Variants in PAFAH1B1 observed in about 807,000 individuals in gnomAD.
PAFAH1B1 encodes platelet activating factor acetylhydrolase 1b regulatory subunit 1.
Under a neutral mutation model 57.5 loss-of-function variants are expected in PAFAH1B1, and 2 were observed. The ratio of observed to expected loss-of-function variants is 0.03; its 90% CI spans 0.01 to 0.11. The LOEUF is 0.11. Ranked by LOEUF, PAFAH1B1 falls within the 10% of genes least tolerant of loss-of-function variation. The pLI, the probability that PAFAH1B1 is intolerant of heterozygous loss-of-function variation, is 1.00. For missense variants in PAFAH1B1, 257 were observed against 512.0 expected (o/e 0.50, Z 4.81); for synonymous variants, 152 against 169.6 (o/e 0.90, Z 0.81).
intron 1 of PAFAH1B1, among the ~76,000 whole-genome samples, chr17:2,618,171 C>T (rs933740755): frequency 2.0e-5 from 3 of 151,824 alleles, no homozygotes; most frequent in African/African-American, 4.8e-5. Flanking sequence ...TCGCTTGAAC[C>T]TGGGAGATGC....
intron 1 of PAFAH1B1, among the ~76,000 whole-genome samples, chr17:2,599,892 ATAAATT>A (rs1282219543): frequency 2.6e-5 from 4 of 152,130 alleles, no homozygotes; most frequent in Non-Finnish European, 5.9e-5. Context: ...GAACATTTTA[ATAAATT>A]TAATTTTTGA....
chr17:2,665,423 T>C lies in PAFAH1B1; in HGVS notation c.84T>C (p.Tyr28=), dbSNP rs369259961. 3 of 1,607,492 alleles carry C rather than the reference T, an allele frequency of 1.9e-6. No homozygotes were observed. The highest frequency in any genetic ancestry group is 2.2e-5 in the East Asian group (1 of 44,752). ...GTTCAAATGGCTATGAAGAGGCATA[T>C]TCAGTTTTTAAAAAGGAAGCTGAAT... ...YLRSNGYEEA[Y]SVFKKEAELD... is the part of the protein sequence containing the mutation. Residue 28 remains tyrosine, a synonymous_variant, in exon 3 of 11, where the codon TAT becomes TAC. Coordinates refer to ENST00000397195, the MANE Select transcript of PAFAH1B1 (RefSeq NM_000430.4).
At chr17:2,637,315 G>C (rs2068637910) in intron 1 of PAFAH1B1, among the ~76,000 whole-genome samples, 1 of 152,074 alleles carries the variant, frequency 6.6e-6, no homozygotes, top group Admixed American at 6.6e-5. Flanking sequence ...TAGGTACATT[G>C]GTTAAGAGAG....
intron 1 of PAFAH1B1, among the ~76,000 whole-genome samples, chr17:2,636,049 T>C (rs1257006878): frequency 6.6e-6 from 1 of 151,610 alleles, no homozygotes; most frequent in African/African-American, 2.4e-5. Flanking sequence ...GAGGCTGCAA[T>C]GAACCATGAT....
At chr17:2,673,366 G>T (rs368553317) in intron 7 of PAFAH1B1, among the ~76,000 whole-genome samples, 60 of 152,214 alleles carry the variant, frequency 3.9e-4, no homozygotes, top group African/African-American at 1.3e-3. Context: ...TTGGCCGGGC[G>T]CGGTGGCTCA....
intron 2 of PAFAH1B1, among the ~76,000 whole-genome samples, chr17:2,650,217 A>AAAATAGTCTGGCAGCCAGGTGC (rs2068829830): frequency 6.6e-6 from 1 of 152,124 alleles, no homozygotes; most frequent in African/African-American, 2.4e-5. Flanking sequence ...ATTGATTTAA[A>AAAATAGTCTGGCAGCCAGGTGC]AAATAGTCTG....
chr17:2,610,718 C>T (rs1243125955), intron 1 of PAFAH1B1, among the ~76,000 whole-genome samples: 3 of 152,214 alleles, frequency 2.0e-5, no homozygotes, highest in African/African-American at 7.2e-5. Context: ...CCGTGGGTAG[C>T]ACAAGCTTGG....
intron 1 of PAFAH1B1, among the ~76,000 whole-genome samples, chr17:2,634,466 G>C (rs1199209231): frequency 3.9e-5 from 6 of 152,082 alleles, no homozygotes; most frequent in Admixed American, 3.3e-4. Context: ...GAAATCACTT[G>C]ACTCCTTGAC....
chr17:2,658,416 C>T (rs1053395631), intron 2 of PAFAH1B1, among the ~76,000 whole-genome samples: 2 of 152,110 alleles, frequency 1.3e-5, no homozygotes, highest in Non-Finnish European at 1.5e-5. Context: ...GAAATTTAAT[C>T]GAAATACGAG....
In PAFAH1B1 at chr17:2,593,915, C is replaced by T. The variant is rs1396190178; in HGVS notation, c.-282C>T. The T allele has an allele frequency of 1.0e-5, 4 of 384,746 alleles. No individual in the cohort carries two copies. The highest frequency in any genetic ancestry group is 2.1e-5 in the African/African-American group (1 of 47,040). 23.8% of individuals were successfully genotyped at this position (384,746 alleles called of 1,614,324 possible). ...TCCCCCCTCCTTCCCTCCCTCCCTCCTTCCTCCCTCCCCTCTCCCTCCCCC... is the reference window on the plus strand; with the variant it reads ...TCCCCCCTCCTTCCCTCCCTCCCTCTTTCCTCCCTCCCCTCTCCCTCCCCC... On this transcript the variant is annotated 5_prime_UTR_variant, in exon 1 of 11. Transcript: ENST00000397195.
intron 1 of PAFAH1B1, among the ~76,000 whole-genome samples, chr17:2,616,225 G>A (rs1191308775): frequency 1.3e-5 from 2 of 152,172 alleles, no homozygotes; most frequent in Non-Finnish European, 2.9e-5. Context: ...CATTCTGGTA[G>A]AGTTTAGTGA....
intron 1 of PAFAH1B1, among the ~76,000 whole-genome samples, chr17:2,609,299 C>T (rs546984630): frequency 5.9e-5 from 9 of 152,148 alleles, no homozygotes; most frequent in East Asian, 1.9e-4. Context: ...GATGAGCCAC[C>T]GCGCCCGGCT....
intron 1 of PAFAH1B1, among the ~76,000 whole-genome samples, chr17:2,597,167 T>C (rs770360174): frequency 4.6e-5 from 7 of 152,166 alleles, no homozygotes; most frequent in African/African-American, 9.7e-5. Context: ...TCCAAGTGTA[T>C]GTAGTGTTTC....
At chr17:2,606,185 G>A (rs897880241) in intron 1 of PAFAH1B1, among the ~76,000 whole-genome samples, 3 of 152,084 alleles carry the variant, frequency 2.0e-5, no homozygotes, top group Admixed American at 6.6e-5. Context: ...CAGTTTGTAA[G>A]GAGCCAGATT....
chr17:2,619,034 C>T (rs1165934270), intron 1 of PAFAH1B1, among the ~76,000 whole-genome samples: 2 of 150,342 alleles, frequency 1.3e-5, no homozygotes, highest in South Asian at 2.1e-4. Context: ...CGATGTTAAA[C>T]GAGAACTGTC....
chr17:2,637,314 T>G (rs2068637881), intron 1 of PAFAH1B1, among the ~76,000 whole-genome samples: 1 of 152,154 alleles, frequency 6.6e-6, no homozygotes, highest in Non-Finnish European at 1.5e-5. Flanking sequence ...TTAGGTACAT[T>G]GGTTAAGAGA....
chr17:2,601,724 G>C (rs982364829), intron 1 of PAFAH1B1, among the ~76,000 whole-genome samples: 1 of 152,160 alleles, frequency 6.6e-6, no homozygotes, highest in Non-Finnish European at 1.5e-5. Flanking sequence ...TTACAGGCAT[G>C]CACCACGGCG....
At chr17:2,642,268 C>T (rs1370764512) in intron 2 of PAFAH1B1, 1 of 152,154 alleles carries the variant, frequency 6.6e-6, no homozygotes, top group African/African-American at 2.4e-5. Context: ...TCCAGAAATC[C>T]AAAATGCTTC....
intron 1 of PAFAH1B1, among the ~76,000 whole-genome samples, chr17:2,594,530 G>A (rs973889528): frequency 2.0e-5 from 3 of 152,294 alleles, no homozygotes; most frequent in Non-Finnish European, 2.9e-5. Flanking sequence ...CACTCATAGG[G>A]CCTTCCAGGC....
Sources: allele counts gnomAD v4.1 joint callset (sites outside exome capture counted in the v4.1 genomes callset), GRCh38; gene constraint gnomAD v4.1.1; transcripts MANE v1.5; gene names NCBI Gene and HGNC (gene_info 2026-07-23, HGNC 2026-07-21).